SH3GL2: variants seen among roughly 807,000 people sequenced by gnomAD.
SH3GL2 encodes endophilin-A1.
A neutral mutation model predicts 46.0 loss-of-function variants in SH3GL2; 24 were observed. The ratio of observed to expected loss-of-function variants is 0.52; its 90% CI spans 0.38 to 0.73. The LOEUF (loss-of-function observed/expected upper bound fraction) is 0.73. Among genes scored for constraint, SH3GL2 ranks in the 30% least tolerant of loss-of-function variants. The probability of loss-of-function intolerance (pLI) is 0.00; values close to 1 mark genes in which losing one functional copy is unlikely to be tolerated. For missense variants in SH3GL2, 413 were observed against 424.2 expected (o/e 0.97, Z 0.23); for synonymous variants, 196 against 147.1 (o/e 1.33, Z -2.40).
chr9:17,585,813 G>A (rs1179394135), intron 1 of SH3GL2, among the ~76,000 whole-genome samples: 1 of 152,220 alleles, frequency 6.6e-6, no homozygotes, highest in Non-Finnish European at 1.5e-5. Flanking sequence ...CCTGGGTGGG[G>A]TGTTCACAGT....
intron 1 of SH3GL2, among the ~76,000 whole-genome samples, chr9:17,581,072 A>G (rs1441064431): frequency 6.6e-6 from 1 of 152,190 alleles, no homozygotes; most frequent in Non-Finnish European, 1.5e-5. Context: ...TGTGTAGAAC[A>G]CACGTATAAA....
At chr9:17,724,575 G>A (rs1821977180) in intron 1 of SH3GL2, among the ~76,000 whole-genome samples, 4 of 152,062 alleles carry the variant, frequency 2.6e-5, no homozygotes, top group Admixed American at 2.6e-4. Context: ...GTGTGGATAT[G>A]TGTGTGCATG....
At chr9:17,626,754 C>T (rs1039907920) in intron 1 of SH3GL2, among the ~76,000 whole-genome samples, 3 of 152,332 alleles carry the variant, frequency 2.0e-5, no homozygotes, top group South Asian at 2.1e-4. Context: ...TTGACAGTCC[C>T]TCTCCAAAGT....
At chr9:17,621,551 A>G (rs1397720253) in intron 1 of SH3GL2, among the ~76,000 whole-genome samples, 5 of 152,222 alleles carry the variant, frequency 3.3e-5, no homozygotes, top group Non-Finnish European at 1.5e-5. Context: ...AAGAAGTTTT[A>G]CAGATATAAT....
chr9:17,656,258 C>T (rs1326561941), intron 1 of SH3GL2, among the ~76,000 whole-genome samples: 1 of 151,930 alleles, frequency 6.6e-6, no homozygotes, highest in Non-Finnish European at 1.5e-5. Flanking sequence ...GAAAGTTACC[C>T]ATGGATAGAT....
chr9:17,776,294 A>G (rs908069983), intron 3 of SH3GL2, among the ~76,000 whole-genome samples: 1 of 152,176 alleles, frequency 6.6e-6, no homozygotes, highest in African/African-American at 2.4e-5. Context: ...AAAAGCAGAC[A>G]TTAAAACTCC....
chr9:17,707,814 C>T (rs538614361), intron 1 of SH3GL2, among the ~76,000 whole-genome samples: 8 of 152,046 alleles, frequency 5.3e-5, no homozygotes, highest in Middle Eastern at 3.4e-3. Flanking sequence ...CATTTGCTAC[C>T]GATAATAAAA....
chr9:17,705,126 C>A (rs937889019), intron 1 of SH3GL2, among the ~76,000 whole-genome samples: 2 of 151,736 alleles, frequency 1.3e-5, no homozygotes, highest in Admixed American at 1.3e-4. Flanking sequence ...ATGTGGCCAA[C>A]AAGCATATAA....
At chr9:17,614,949 G>A (rs957851327) in intron 1 of SH3GL2, among the ~76,000 whole-genome samples, 5 of 152,158 alleles carry the variant, frequency 3.3e-5, no homozygotes, top group African/African-American at 1.2e-4. Context: ...CCAGGTATAG[G>A]GGCAAGCTTC....
intron 5 of SH3GL2, 32 bp downstream of exon 5, chr9:17,787,545 A>G: frequency 6.3e-7 from 1 of 1,591,680 alleles, no homozygotes; most frequent in Non-Finnish European, 8.6e-7. Flanking sequence ...GAAAGTGGGC[A>G]GTTGAAATCA....
At chr9:17,730,796 T>TA (rs1822157761) in intron 1 of SH3GL2, among the ~76,000 whole-genome samples, 1 of 151,714 alleles carries the variant, frequency 6.6e-6, no homozygotes, top group African/African-American at 2.4e-5. Context: ...TTCAACAAAG[T>TA]GCAAAATTTT....
chr9:17,637,560 G>T (rs902632616), intron 1 of SH3GL2, among the ~76,000 whole-genome samples: 4 of 152,164 alleles, frequency 2.6e-5, no homozygotes, highest in African/African-American at 9.6e-5. Context: ...CCTTCCTCAG[G>T]ACAAGGAAAT....
chr9:17,622,986 G>GTTCCGTTCCGTTCCTTTCC, intron 1 of SH3GL2, among the ~76,000 whole-genome samples: 1 of 99,412 alleles, frequency 1.0e-5, no homozygotes, highest in East Asian at 2.7e-4. Context: ...GTTTCCTTTC[G>GTTCCGTTCCGTTCCTTTCC]TTTCCTTTCC....
intron 1 of SH3GL2, among the ~76,000 whole-genome samples, chr9:17,708,740 T>C (rs1258715062): frequency 6.6e-6 from 1 of 151,968 alleles, no homozygotes; most frequent in Non-Finnish European, 1.5e-5. Flanking sequence ...GTTTAAAATG[T>C]TCTATTTAAA....
At chr9:17,613,537 G>A (rs1447345626) in intron 1 of SH3GL2, among the ~76,000 whole-genome samples, 2 of 152,164 alleles carry the variant, frequency 1.3e-5, no homozygotes, top group African/African-American at 4.8e-5. Flanking sequence ...CTAGAGGAAG[G>A]TAACATTCTT....
intron 1 of SH3GL2, among the ~76,000 whole-genome samples, chr9:17,665,865 G>T (rs1380935250): frequency 1.3e-5 from 2 of 148,402 alleles, no homozygotes; most frequent in East Asian, 2.0e-4. Context: ...GCATCTGTCT[G>T]TTCATCCATC....
intron 6 of SH3GL2, chr9:17,790,426 G>A (rs1824093364): frequency 1.0e-6 from 1 of 984,798 alleles, no homozygotes; most frequent in Non-Finnish European, 1.2e-6. Flanking sequence ...CAGGGGAAGT[G>A]TGTTGAACAT....
In SH3GL2 at chr9:17,702,122, A is replaced by G. The variant is rs540031878; in HGVS notation, c.46-44944A>G. Among the ~76,000 whole-genome samples, 587 of 152,228 alleles carry G rather than the reference A, an allele frequency of 3.9e-3. 3 individuals carry two copies. Among genetic ancestry groups the G allele is most frequent in the Middle Eastern group, 0.01 (3 of 294 alleles). On this transcript the variant is annotated intron_variant, in intron 1 of 8. Coordinates refer to ENST00000380607, the MANE Select transcript of SH3GL2 (RefSeq NM_003026.5). ...ATAGTTTAACATAAGATACAAGTGT[A>G]TTTCAAATCACTAAAACAAAATAGA...
intron 2 of SH3GL2, among the ~76,000 whole-genome samples, chr9:17,747,643 A>G (rs1822730738): frequency 1.3e-5 from 2 of 152,206 alleles, no homozygotes; most frequent in African/African-American, 4.8e-5. Context: ...CCATCTATTG[A>G]TCAGAGCCTC....
Sources: gnomAD v4.1 joint callset for allele counts (sites outside exome capture counted in the v4.1 genomes callset) on GRCh38, gnomAD v4.1.1 for gene constraint, MANE v1.5 for transcripts, NCBI Gene and HGNC (gene_info 2026-07-23, HGNC 2026-07-21) for gene names.